Variants in TTBK2 observed in about 807,000 individuals in gnomAD.
The protein encoded by TTBK2 is tau tubulin kinase 2.
A neutral mutation model predicts 110.8 loss-of-function variants in TTBK2; 28 were observed. That is an observed-to-expected ratio of 0.25 (90% CI 0.19 to 0.35). The LOEUF is 0.35. Among genes scored for constraint, TTBK2 ranks in the 10% least tolerant of loss-of-function variants. The pLI, the probability that TTBK2 is intolerant of heterozygous loss-of-function variation, is 1.00. For missense variants in TTBK2, 1,369 were observed against 1,500.3 expected (o/e 0.91, Z 1.45); for synonymous variants, 532 against 527.3 (o/e 1.01, Z -0.12).
rs1378499612 is a variant in TTBK2, at chr15:42,753,188, A to G, written c.2058T>C (p.Cys686=). 6.2e-7 allele frequency: 1 copy of G among 1,611,256 alleles called. No homozygotes were observed. The highest frequency in any genetic ancestry group is 1.7e-5 in the Admixed American group (1 of 59,234). Residue 686 remains cysteine, a synonymous_variant, in exon 14 of 15, where the codon TGT becomes TGC. Transcript: ENST00000267890. ...STQSTSGSFH[C]GQQPEKKDLQ... Reference sequence around the variant, plus strand: ...GATCTTTCTTCTCTGGCTGCTGACCACAGTGAAAGCTTCCTGAAGTTGACT... The same window carrying G: ...GATCTTTCTTCTCTGGCTGCTGACCGCAGTGAAAGCTTCCTGAAGTTGACT...
intron 9 of TTBK2, among the ~76,000 whole-genome samples, chr15:42,805,033 G>A (rs77530560): frequency 0.044 from 6,734 of 152,270 alleles, 422 homozygotes; most frequent in African/African-American, 0.13. Flanking sequence ...AGAGAGTCAT[G>A]TAAACATAGT....
At chr15:42,775,748 T>A in intron 12 of TTBK2, 25 bp from the exon 13 acceptor site, 1 of 1,578,384 alleles carries the variant, frequency 6.3e-7, no homozygotes, top group Non-Finnish European at 8.6e-7. Flanking sequence ...AAGAAGTTAC[T>A]CAACTGTCCT....
At chr15:42,905,072 A>G (rs1022122934) in intron 1 of TTBK2, among the ~76,000 whole-genome samples, 1 of 152,070 alleles carries the variant, frequency 6.6e-6, no homozygotes, top group African/African-American at 2.4e-5. Flanking sequence ...GGATTTCGCC[A>G]TGTTGGCCAG....
chr15:42,859,314 C>T (rs560293779), intron 3 of TTBK2, among the ~76,000 whole-genome samples: 2 of 152,172 alleles, frequency 1.3e-5, no homozygotes, highest in East Asian at 3.9e-4. Context: ...CACCACATTG[C>T]CCAGGCTGAT....
chr15:42,770,188 AT>A (rs1248713472), intron 13 of TTBK2, among the ~76,000 whole-genome samples: 2 of 152,264 alleles, frequency 1.3e-5, no homozygotes, highest in East Asian at 1.9e-4. Context: ...TGGCACATGT[AT>A]ACCTATGTAA....
chr15:42,776,993 C>A, intron 12 of TTBK2, 38 bp downstream of exon 12: 1 of 1,579,892 alleles, frequency 6.3e-7, no homozygotes, highest in Non-Finnish European at 8.7e-7. Flanking sequence ...ATAATGGTAC[C>A]TTAGAAGCTT....
chr15:42,824,182 C>A (rs1892430812), intron 6 of TTBK2, among the ~76,000 whole-genome samples: 1 of 152,150 alleles, frequency 6.6e-6, no homozygotes, highest in Non-Finnish European at 1.5e-5. Flanking sequence ...CAAACCCTGC[C>A]CATTAGGCCT....
chr15:42,871,618 C>T (rs1894617791), intron 3 of TTBK2: 1 of 984,116 alleles, frequency 1.0e-6, no homozygotes, highest in Non-Finnish European at 1.2e-6. Flanking sequence ...CTCTACACCA[C>T]TGAGTTGAGA....
chr15:42,853,883 AAAAAAAT>A (rs764497147), intron 3 of TTBK2, among the ~76,000 whole-genome samples: 1 of 149,934 alleles, frequency 6.7e-6, no homozygotes, highest in Admixed American at 6.6e-5. Flanking sequence ...TCCGTCTCAA[AAAAAAAT>A]AAAAAATAAA....
chr15:42,832,745 C>T (rs983779372), intron 4 of TTBK2, among the ~76,000 whole-genome samples: 1 of 152,106 alleles, frequency 6.6e-6, no homozygotes, highest in Non-Finnish European at 1.5e-5. Context: ...AGGCCCAGGA[C>T]GTGAATCACC....
At chr15:42,855,840 T>A (rs1256288175) in intron 3 of TTBK2, among the ~76,000 whole-genome samples, 4 of 152,056 alleles carry the variant, frequency 2.6e-5, no homozygotes, top group Admixed American at 6.5e-5. Context: ...GCCCGCCACC[T>A]CGCCCGGCTA....
chr15:42,894,535 T>G (rs1895590474), intron 1 of TTBK2, among the ~76,000 whole-genome samples: 1 of 152,138 alleles, frequency 6.6e-6, no homozygotes, highest in South Asian at 2.1e-4. Flanking sequence ...GTGGATTTCT[T>G]GAGCCCAGGA....
At chr15:42,916,800 A>G (rs1596058230) in intron 1 of TTBK2, among the ~76,000 whole-genome samples, 1 of 152,212 alleles carries the variant, frequency 6.6e-6, no homozygotes, top group East Asian at 1.9e-4. Flanking sequence ...CTAGAACAAG[A>G]TGATGGAAAC....
At chr15:42,772,135 T>C (rs1005564101) in intron 13 of TTBK2, among the ~76,000 whole-genome samples, 15 of 152,056 alleles carry the variant, frequency 9.9e-5, no homozygotes, top group African/African-American at 3.4e-4. Flanking sequence ...TTGTGACTAA[T>C]AGAATATGGC....
At chr15:42,877,632 G>T (rs1894863762) in intron 2 of TTBK2, among the ~76,000 whole-genome samples, 1 of 152,130 alleles carries the variant, frequency 6.6e-6, no homozygotes, top group African/African-American at 2.4e-5. Context: ...AACTAAAACT[G>T]TATTTGGTAA....
chr15:42,792,769 CTT>C (rs1890752335), intron 10 of TTBK2, among the ~76,000 whole-genome samples: 1 of 152,178 alleles, frequency 6.6e-6, no homozygotes, highest in South Asian at 2.1e-4. Flanking sequence ...TTTTTTCTCT[CTT>C]TTTATTTACA....
chr15:42,791,108 C>A (rs960463065), intron 10 of TTBK2, among the ~76,000 whole-genome samples: 1 of 152,062 alleles, frequency 6.6e-6, no homozygotes, highest in Non-Finnish European at 1.5e-5. Context: ...AGGATGGTCT[C>A]GATCTGACCT....
chr15:42,744,754 G>C lies in TTBK2; in HGVS notation c.*1041C>G. The C allele has an allele frequency of 6.6e-6, 1 of 152,068 alleles. No homozygotes were observed. Among genetic ancestry groups the C allele is most frequent in the African/African-American group, 2.4e-5 (1 of 41,370 alleles). 9.4% of individuals were successfully genotyped at this position (152,068 alleles called of 1,614,324 possible). ...TAAATGTATAAAATACAAAGTTTGAGGATTCTAAGCCTCAATAATATATCT... is the reference window on the plus strand; with the variant it reads ...TAAATGTATAAAATACAAAGTTTGACGATTCTAAGCCTCAATAATATATCT... On this transcript the variant is annotated 3_prime_UTR_variant, in exon 15 of 15. Transcript: ENST00000267890.
rs566760608 is a variant in TTBK2 at position 42,896,683 on chromosome 15, A to G, written c.-67-17999T>C. On this transcript the variant is annotated intron_variant, in intron 1 of 14. Coordinates refer to ENST00000267890, the MANE Select transcript of TTBK2 (RefSeq NM_173500.4). ...GTGGTACGTGCCTGTAGTCCCAGCT[A>G]CTGGGAGGCTAAGGCAAGAGGATCA... 3.9e-5 allele frequency among the ~76,000 whole-genome samples: 6 copies of G among 152,218 alleles called. No individual in the cohort carries two copies. In the East Asian group the frequency reaches 1.2e-3, roughly 29 times the overall value.
Sources: gnomAD v4.1 joint callset for allele counts (sites outside exome capture counted in the v4.1 genomes callset) on GRCh38, gnomAD v4.1.1 for gene constraint, MANE v1.5 for transcripts, NCBI Gene and HGNC (gene_info 2026-07-23, HGNC 2026-07-21) for gene names.